MRTFA: variants seen among roughly 807,000 people sequenced by gnomAD.
MRTFA encodes the protein myocardin-related transcription factor A.
In MRTFA, 20 loss-of-function variants were observed where a neutral mutation model predicts 83.5. The ratio of observed to expected loss-of-function variants is 0.24; its 90% CI spans 0.17 to 0.35. The LOEUF is 0.35. Ranked by LOEUF, MRTFA falls within the 10% of genes least tolerant of loss-of-function variation. The pLI is 1.00. For synonymous variants in MRTFA, 659 were observed against 541.2 expected, an observed-to-expected ratio of 1.22 and a Z score of -3.02; for missense variants, 1,200 against 1,224.7, an observed-to-expected ratio of 0.98 and a Z score of 0.30.
chr22:40,446,739 G>C (rs1416115574), intron 4 of MRTFA, among the ~76,000 whole-genome samples: 1 of 152,188 alleles, frequency 6.6e-6, no homozygotes, highest in Non-Finnish European at 1.5e-5. Context: ...TACTGCAACA[G>C]ATTAAAGAGT....
Position 40,529,040 on chromosome 22 carries a change from C to T in MRTFA, c.241+23066G>A, listed in dbSNP as rs558497525. Among the ~76,000 whole-genome samples, 6 of 152,266 alleles carry T rather than the reference C, an allele frequency of 3.9e-5. No homozygotes were observed. The South Asian group carries it at 1.0e-3, about 26-fold the overall frequency. On this transcript the variant is annotated intron_variant, in intron 3 of 14. Coordinates refer to ENST00000355630, the MANE Select transcript of MRTFA (RefSeq NM_020831.6). Reference sequence around the variant, plus strand: ...AATCTGGAGTTTTTCGTCAGTTCTACAGACCTGTGAGTGATGTGAACCCAA... The same window carrying T: ...AATCTGGAGTTTTTCGTCAGTTCTATAGACCTGTGAGTGATGTGAACCCAA...
intron 3 of MRTFA, among the ~76,000 whole-genome samples, chr22:40,542,346 T>C (rs2055305123): frequency 6.6e-6 from 1 of 152,228 alleles, no homozygotes; most frequent in South Asian, 2.1e-4. Context: ...AGATCTGTTA[T>C]TCTGTTATAA....
chr22:40,446,350 TAAAAG>T (rs1419174172), intron 4 of MRTFA, among the ~76,000 whole-genome samples: 1 of 152,172 alleles, frequency 6.6e-6, no homozygotes, highest in East Asian at 1.9e-4. Context: ...AGAGGCCACT[TAAAAG>T]AACAAATTGG....
intron 7 of MRTFA, among the ~76,000 whole-genome samples, chr22:40,425,706 A>G (rs925342472): frequency 1.3e-5 from 2 of 152,194 alleles, no homozygotes; most frequent in Admixed American, 1.3e-4. Context: ...GATTTCCCCC[A>G]CAATCTCCTA....
chr22:40,590,725 A>G (rs1243433790), intron 2 of MRTFA, among the ~76,000 whole-genome samples: 3 of 151,950 alleles, frequency 2.0e-5, no homozygotes, highest in South Asian at 2.1e-4. Context: ...GACAATATTC[A>G]CATCTTTTAC....
intron 2 of MRTFA, among the ~76,000 whole-genome samples, chr22:40,559,445 C>T (rs1422488770): frequency 1.3e-5 from 2 of 152,012 alleles, no homozygotes; most frequent in Non-Finnish European, 2.9e-5. Flanking sequence ...TTTCAGACAG[C>T]ATGTTACTCT....
At chr22:40,610,482 G>A (rs1408973631) in intron 1 of MRTFA, among the ~76,000 whole-genome samples, 1 of 152,094 alleles carries the variant, frequency 6.6e-6, no homozygotes, top group African/African-American at 2.4e-5. Context: ...GCTGCTGTAG[G>A]AACTGCCTCC....
intron 1 of MRTFA, among the ~76,000 whole-genome samples, chr22:40,595,161 C>G (rs1229172488): frequency 6.9e-6 from 1 of 144,698 alleles, no homozygotes; most frequent in Non-Finnish European, 1.5e-5. Context: ...CGCTCTGTCG[C>G]CGGGCTGGAA....
chr22:40,490,744 C>A (rs568044490), intron 3 of MRTFA, among the ~76,000 whole-genome samples: 41 of 152,114 alleles, frequency 2.7e-4, no homozygotes, highest in African/African-American at 9.6e-4. Flanking sequence ...ATTAAAATCC[C>A]AAAGAAATCT....
intron 3 of MRTFA, among the ~76,000 whole-genome samples, chr22:40,541,554 A>C (rs2055290743): frequency 6.6e-6 from 1 of 152,104 alleles, no homozygotes; most frequent in Non-Finnish European, 1.5e-5. Context: ...ACCACAACCT[A>C]TTGCTGATGA....
intron 3 of MRTFA, among the ~76,000 whole-genome samples, chr22:40,516,918 TTTC>T (rs1156488041): frequency 1.3e-5 from 2 of 152,168 alleles, no homozygotes; most frequent in African/African-American, 4.8e-5. Context: ...ACATAATTTT[TTTC>T]TTTTTTTTTT....
At chr22:40,495,757 CAAA>C (rs35652948) in intron 3 of MRTFA, among the ~76,000 whole-genome samples, 2,405 of 70,586 alleles carry the variant, frequency 0.034, 64 homozygotes, top group African/African-American at 0.12. Flanking sequence ...GACTCCATCT[CAAA>C]AAAAAAAAAA....
chr22:40,485,791 G>A (rs539957542), intron 3 of MRTFA, among the ~76,000 whole-genome samples: 2 of 152,280 alleles, frequency 1.3e-5, no homozygotes, highest in East Asian at 1.9e-4. Context: ...TGCAATGATG[G>A]TAAAAATAAA....
At chr22:40,588,007 T>G in intron 2 of MRTFA, 1 of 206,874 alleles carries the variant, frequency 4.8e-6, no homozygotes. Context: ...CATGGGAAGG[T>G]GAGAAGGCCA....
intron 3 of MRTFA, among the ~76,000 whole-genome samples, chr22:40,498,127 G>A (rs558678731): frequency 1.9e-4 from 29 of 151,724 alleles, no homozygotes; most frequent in African/African-American, 6.8e-4. Context: ...GGGTGACAGA[G>A]TAAGACCCTG....
intron 3 of MRTFA, among the ~76,000 whole-genome samples, chr22:40,542,875 G>C (rs1378354551): frequency 6.6e-6 from 1 of 152,154 alleles, no homozygotes; most frequent in East Asian, 1.9e-4. Flanking sequence ...ACACTAGAGG[G>C]ATATAAACCA....
chr22:40,470,166 G>T (rs192774505), intron 3 of MRTFA, among the ~76,000 whole-genome samples: 1 of 143,466 alleles, frequency 7.0e-6, no homozygotes, highest in Non-Finnish European at 1.5e-5. Flanking sequence ...GGATGTTGCA[G>T]TGAGCCGAGA....
In MRTFA at chr22:40,548,785, A is replaced by C. The variant is rs913758210; in HGVS notation, c.241+3321T>G. ...AGGCTGAGGCAGGAGAATTACTTGA[A>C]CCTGGGAGGCGGAGGTTGCAGTGAG... On this transcript the variant is annotated intron_variant, in intron 3 of 14. Coordinates refer to ENST00000355630, the MANE Select transcript of MRTFA (RefSeq NM_020831.6). 2.6e-5 allele frequency among the ~76,000 whole-genome samples: 4 copies of C among 152,100 alleles called. No homozygotes were observed. In the Middle Eastern group the frequency reaches 0.01, roughly 388 times the overall value.
chr22:40,612,823 T>C (rs1364847304), intron 1 of MRTFA, among the ~76,000 whole-genome samples: 3 of 152,152 alleles, frequency 2.0e-5, no homozygotes, highest in Admixed American at 6.5e-5. Flanking sequence ...TAGTGGTGCA[T>C]GGCTGCCCAG....
Sources: gnomAD v4.1 joint callset for allele counts (sites outside exome capture counted in the v4.1 genomes callset) on GRCh38, gnomAD v4.1.1 for gene constraint, MANE v1.5 for transcripts, NCBI Gene and HGNC (gene_info 2026-07-23, HGNC 2026-07-21) for gene names.